Variants in PKNOX2 observed in about 807,000 individuals in gnomAD.
PKNOX2 encodes the protein homeobox protein PKNOX2.
PKNOX2 carries 14 observed loss-of-function variants against 53.1 expected under a neutral mutation model. The ratio of observed to expected loss-of-function variants is 0.26; its 90% CI spans 0.17 to 0.41. The LOEUF is 0.41. PKNOX2 is among the 10% of genes least tolerant of loss of function. The pLI, the probability that PKNOX2 is intolerant of heterozygous loss-of-function variation, is 1.00. For missense variants in PKNOX2, 496 were observed against 602.8 expected (o/e 0.82, Z 1.85); for synonymous variants, 257 against 242.8 (o/e 1.06, Z -0.54).
At chr11:125,305,292 A>C (rs1055872275) in intron 2 of PKNOX2, among the ~76,000 whole-genome samples, 2 of 152,192 alleles carry the variant, frequency 1.3e-5, no homozygotes, top group African/African-American at 4.8e-5. Context: ...ACAGCCAGGC[A>C]AACTATTATA....
chr11:125,193,190 C>A (rs991361045), intron 1 of PKNOX2, among the ~76,000 whole-genome samples: 2 of 152,186 alleles, frequency 1.3e-5, no homozygotes, highest in African/African-American at 4.8e-5. Flanking sequence ...GCTTACAAGA[C>A]CAGTTTTAGA....
At chr11:125,231,985 G>A (rs1007381470) in intron 1 of PKNOX2, among the ~76,000 whole-genome samples, 2 of 152,194 alleles carry the variant, frequency 1.3e-5, no homozygotes, top group Admixed American at 6.5e-5. Flanking sequence ...CCCAGTGCAC[G>A]ATTCTCCTCT....
At chr11:125,335,271 C>T (rs2136127523) in intron 3 of PKNOX2, among the ~76,000 whole-genome samples, 1 of 152,328 alleles carries the variant, frequency 6.6e-6, no homozygotes, top group Middle Eastern at 3.4e-3. Flanking sequence ...TTTCAGGCTC[C>T]CAGGTCAGCC....
chr11:125,379,013 AAG>A (rs1339836709), intron 5 of PKNOX2, among the ~76,000 whole-genome samples: 1 of 151,572 alleles, frequency 6.6e-6, no homozygotes, highest in African/African-American at 2.4e-5. Context: ...AAAAGAAAGA[AAG>A]AGAAATGAAA....
At chr11:125,346,744 G>A (rs571041070) in intron 3 of PKNOX2, among the ~76,000 whole-genome samples, 1 of 149,138 alleles carries the variant, frequency 6.7e-6, no homozygotes, top group Non-Finnish European at 1.5e-5. Flanking sequence ...TAGCTGCTAT[G>A]GAAGGAAGGA....
intron 1 of PKNOX2, among the ~76,000 whole-genome samples, chr11:125,196,485 C>T (rs975282441): frequency 6.6e-6 from 1 of 152,222 alleles, no homozygotes; most frequent in African/African-American, 2.4e-5. Context: ...CTCCCAACAT[C>T]CTCACCAAGA....
intron 1 of PKNOX2, among the ~76,000 whole-genome samples, chr11:125,180,865 A>G (rs183091233): frequency 6.6e-6 from 1 of 152,238 alleles, no homozygotes; most frequent in African/African-American, 2.4e-5. Flanking sequence ...CCCACGAGGT[A>G]AAATGAATGT....
chr11:125,302,338 G>C (rs970952935), intron 2 of PKNOX2, among the ~76,000 whole-genome samples: 1 of 152,230 alleles, frequency 6.6e-6, no homozygotes, highest in African/African-American at 2.4e-5. Flanking sequence ...GCCATGATCT[G>C]ACCAGCCCCT....
chr11:125,314,977 TC>T (rs1329513940), intron 2 of PKNOX2, among the ~76,000 whole-genome samples: 5 of 152,054 alleles, frequency 3.3e-5, no homozygotes, highest in Admixed American at 6.5e-5. Flanking sequence ...CTCTCACTGC[TC>T]CCCTTTGTGG....
intron 1 of PKNOX2, among the ~76,000 whole-genome samples, chr11:125,182,864 G>T (rs545544920): frequency 1.4e-4 from 22 of 152,324 alleles, no homozygotes; most frequent in Admixed American, 4.6e-4. Flanking sequence ...TGCCTTCAAG[G>T]CTGGGCTGAG....
chr11:125,391,735 C>G (rs1954062747), intron 6 of PKNOX2, among the ~76,000 whole-genome samples: 1 of 151,990 alleles, frequency 6.6e-6, no homozygotes, highest in South Asian at 2.1e-4. Flanking sequence ...ATTTGTTTTG[C>G]TTTTTTGATG....
At chr11:125,342,213 A>T (rs78023667) in intron 3 of PKNOX2, among the ~76,000 whole-genome samples, 11 of 151,460 alleles carry the variant, frequency 7.3e-5, no homozygotes, top group African/African-American at 2.7e-4. Context: ...GGAACAAGGT[A>T]TCATCTAGCC....
chr11:125,358,904 A>G (rs1951765907), intron 4 of PKNOX2, among the ~76,000 whole-genome samples: 1 of 152,182 alleles, frequency 6.6e-6, no homozygotes, highest in Admixed American at 6.5e-5. Context: ...AGACAGGCAA[A>G]GGGCCTGGTG....
chr11:125,263,904 G>A (rs917487947), intron 2 of PKNOX2, among the ~76,000 whole-genome samples: 3 of 152,206 alleles, frequency 2.0e-5, no homozygotes, highest in African/African-American at 4.8e-5. Flanking sequence ...CTGGAATGGC[G>A]TATAAGGGGG....
rs1034746526 is a variant in PKNOX2, at chr11:125,353,469, T to A, written c.87+2077T>A. Among the ~76,000 whole-genome samples the A allele has an allele frequency of 3.3e-5, 5 of 152,222 alleles. No homozygotes were observed. In the South Asian group the frequency reaches 1.0e-3, roughly 31 times the overall value. ...CAGCTGGATTAATAAATCCCAGCTA[T>A]CAAGGGATGGATGGAGGTGGGCTGC... On this transcript the variant is annotated intron_variant, in intron 4 of 12. Transcript: ENST00000298282.
intron 1 of PKNOX2, among the ~76,000 whole-genome samples, chr11:125,197,844 T>A (rs1285216149): frequency 6.6e-6 from 1 of 152,072 alleles, no homozygotes; most frequent in Non-Finnish European, 1.5e-5. Flanking sequence ...CGGTATCTGC[T>A]CCACTCTGCC....
intron 1 of PKNOX2, among the ~76,000 whole-genome samples, chr11:125,167,092 C>CA (rs1954933344): frequency 1.3e-5 from 2 of 151,516 alleles, no homozygotes; most frequent in African/African-American, 4.9e-5. Context: ...ACTCGGGCTG[C>CA]ATCCCCATAG....
chr11:125,287,487 A>C (rs1221072484), intron 2 of PKNOX2, among the ~76,000 whole-genome samples: 2 of 151,734 alleles, frequency 1.3e-5, no homozygotes, highest in Non-Finnish European at 2.9e-5. Context: ...ACAGAGCCTG[A>C]CTCCTCTGTC....
rs1047254541 is a variant in PKNOX2 at position 125,265,774 on chromosome 11, A to C, written c.-130+30659A>C. On this transcript the variant is annotated intron_variant, in intron 2 of 12. Transcript: ENST00000298282. ...CAGGGTTGGGTAAGGGCTCTAGAGC[A>C]AGGAGAGAAGAAAATTCTGGCCACC... Among the ~76,000 whole-genome samples the C allele has an allele frequency of 2.6e-5, 4 of 152,140 alleles. No homozygotes were observed. In the East Asian group the frequency reaches 7.7e-4, roughly 29 times the overall value.
Sources: allele counts gnomAD v4.1 joint callset (sites outside exome capture counted in the v4.1 genomes callset), GRCh38; gene constraint gnomAD v4.1.1; transcripts MANE v1.5; gene names NCBI Gene and HGNC (gene_info 2026-07-23, HGNC 2026-07-21).